Variants in STRN4 observed in about 807,000 individuals in gnomAD.
STRN4 encodes striatin 4, also known as striatin-4.
STRN4 carries 27 observed loss-of-function variants against 77.9 expected under a neutral mutation model. The ratio of observed to expected loss-of-function variants is 0.35; its 90% CI spans 0.26 to 0.48. The LOEUF (loss-of-function observed/expected upper bound fraction) is 0.48, where lower values mean the gene tolerates loss of function less well. STRN4 is among the 20% of genes least tolerant of loss of function. The pLI is 0.99. For synonymous variants in STRN4, 466 were observed against 443.1 expected (o/e 1.05, Z -0.65); for missense variants, 798 against 1,049.7 (o/e 0.76, Z 3.31).
chr19:46,727,370 C>A, intron 9 of STRN4, 82 bp downstream of exon 9: 1 of 1,197,850 alleles, frequency 8.3e-7, no homozygotes, highest in South Asian at 1.3e-5. Context: ...AGGGCACGGG[C>A]GGCACCCAGT....
rs199652079 is a variant in STRN4 at position 46,728,608 on chromosome 19, G to A, written c.1039+10C>T. On this transcript the variant is annotated intron_variant, in intron 7 of 17. Coordinates refer to ENST00000263280, the MANE Select transcript of STRN4 (RefSeq NM_013403.3). ...GGCAAGCGGGGGCTGGCCAGAAAAC[G>A]TCAGCTCACCCAGCTCATGGGGGCT... is the stretch of plus-strand genomic sequence containing the variant. The A allele has an allele frequency of 3.2e-4, 513 of 1,609,484 alleles. 2 individuals are homozygous for A. In the African/African-American group the frequency reaches 6.3e-3, roughly 20 times the overall value.
Position 46,723,199 on chromosome 19 carries a change from G to A in STRN4, c.1680C>T (p.Ala560=), listed in dbSNP as rs2054022827. 6.4e-7 allele frequency: 1 copy of A among 1,556,810 alleles called. No individual in the cohort carries two copies. Among genetic ancestry groups the A allele is most frequent in the Non-Finnish European group, 8.7e-7 (1 of 1,150,934 alleles). The change falls in exon 13 of 18, where the codon GCC becomes GCT. Residue 560 remains alanine (A), a synonymous_variant. Transcript: ENST00000263280. This position sits in a 1 kb window ranked among gnomAD's most constrained non-coding sequence, Gnocchi z 5.5. The part of the protein sequence containing the change: ...LAFSPTSQRL[A]SCSADGTVRI... ...GGACGGTGCCATCAGCAGAACAGGAGGCCAGGCGCTGGGAGGTGGGACTGA... is the reference window on the plus strand; with the variant it reads ...GGACGGTGCCATCAGCAGAACAGGAAGCCAGGCGCTGGGAGGTGGGACTGA...
chr19:46,733,389 G>A lies in STRN4; in HGVS notation c.540-153C>T, dbSNP rs771103783. The A allele has an allele frequency of 4.6e-5, 31 of 680,670 alleles. No homozygotes were observed. Among genetic ancestry groups the A allele is most frequent in the Non-Finnish European group, 5.7e-5 (23 of 400,490 alleles). 42.2% of individuals were successfully genotyped at this position (680,670 alleles called of 1,614,324 possible). On this transcript the variant is annotated intron_variant, in intron 4 of 17. Transcript: ENST00000263280. The surrounding 1 kb of genome is among the most constrained non-coding windows in gnomAD (Gnocchi z 4.3). ...CACACCCTCGCTCCAGCAGTTCCCC[G>A]TCAAGGCTATTTCCAGTGGAAGCCC...
intron 1 of STRN4, among the ~76,000 whole-genome samples, chr19:46,743,429 G>T (rs74540411): frequency 2.0e-5 from 3 of 152,216 alleles, no homozygotes; most frequent in Non-Finnish European, 4.4e-5. Flanking sequence ...CAGCCTCCAG[G>T]ATGAGAAGAT....
At position 46,741,444 on chromosome 19, in the gene STRN4, G is replaced by C. The variant is rs560756619; in HGVS notation, c.283-2556C>G. 2.6e-5 allele frequency among the ~76,000 whole-genome samples: 4 copies of C among 152,324 alleles called. No individual in the cohort carries two copies. The South Asian group carries it at 8.3e-4, about 32-fold the overall frequency. Reference sequence around the variant, plus strand: ...CCCAGTGCCTCTGGAAAGAGAACCAGAAAGACATGGTTGGAGCATCTCAGG... The same window carrying C: ...CCCAGTGCCTCTGGAAAGAGAACCACAAAGACATGGTTGGAGCATCTCAGG... On this transcript the variant is annotated intron_variant, in intron 1 of 17. Coordinates refer to ENST00000263280, the MANE Select transcript of STRN4 (RefSeq NM_013403.3). This position sits in a 1 kb window ranked among gnomAD's most constrained non-coding sequence, Gnocchi z 4.9.
chr19:46,721,595 T>G, intron 16 of STRN4: 1 of 231,618 alleles, frequency 4.3e-6, no homozygotes, highest in East Asian at 1.1e-4. Flanking sequence ...CACAGCCACG[T>G]TGCTGGCCTC....
chr19:46,740,980 A>T (rs1392986473), intron 1 of STRN4, among the ~76,000 whole-genome samples: 1 of 152,242 alleles, frequency 6.6e-6, no homozygotes, highest in African/African-American at 2.4e-5. Context: ...AACTCTAAAA[A>T]AGGCCAGGAT....
rs759815283 is a variant in STRN4, at chr19:46,738,175, A to C, written c.449T>G (p.Val150Gly). The C allele has an allele frequency of 6.2e-7, 1 of 1,614,192 alleles. No homozygotes were observed. Among genetic ancestry groups the C allele is most frequent in the Admixed American group, 1.7e-5 (1 of 60,016 alleles). Residue 150 changes from valine to glycine, a missense_variant, in exon 3 of 18, where the codon GTG (valine) becomes GGG (glycine). Val to Gly is a moderately radical substitution (Grantham distance 109). Transcript: ENST00000263280. This position sits in a 1 kb window ranked among gnomAD's most constrained non-coding sequence, Gnocchi z 4.5. Reference sequence around the variant, plus strand: ...CAGAGGGTGGGTACCTTGTTCTGACACATCTGCTTTCTTCTCCCCCTGGTT... The same window carrying C: ...CAGAGGGTGGGTACCTTGTTCTGACCCATCTGCTTTCTTCTCCCCCTGGTT... ...DLNQGEKKAD[V>G]SEQVSNGPVE... is the part of the protein sequence containing the mutation.
At position 46,725,455 on chromosome 19, in the gene STRN4, T is replaced by C; in HGVS notation, c.1424+18A>G. 1.2e-6 allele frequency: 2 copies of C among 1,613,764 alleles called. No individual in the cohort carries two copies. The highest frequency in any genetic ancestry group is 1.7e-6 in the Non-Finnish European group (2 of 1,179,864). On this transcript the variant is annotated intron_variant, in intron 10 of 17. Transcript: ENST00000263280. ...CCCCAGATGCCCCTGCCCCCGGCTC[T>C]GAGCTTGCTGCCCTCACTTCTTGGC... is the stretch of plus-strand genomic sequence containing the variant.
intron 3 of STRN4, 79 bp from the exon 4 acceptor site, chr19:46,736,980 CT>C: frequency 6.9e-7 from 1 of 1,446,690 alleles, no homozygotes; most frequent in Non-Finnish European, 9.6e-7. Context: ...TTCCTCACCC[CT>C]CCAACCCAAA....
chr19:46,746,313 C>G lies in STRN4; in HGVS notation c.118G>C (p.Gly40Arg), dbSNP rs771298555. The change falls in exon 1 of 18, where the codon GGG (glycine) becomes CGG (arginine). Residue 40 changes from glycine (G) to arginine (R), a missense_variant. Around this residue, in one of 2 missense-constraint regions of STRN4, gnomAD observed 511 missense variants for 575.9 expected, o/e 0.89. Coordinates refer to ENST00000263280, the MANE Select transcript of STRN4 (RefSeq NM_013403.3). The stretch of plus-strand genomic sequence containing the variant: ...CCTCCCTTACCTGCCGGGCCCGGCC[C>G]GGGGGCAGGGGCGGAGACCGGGGCC... ...GAAPVSAPAP[G>R]PGPAGKGGGG... The G allele has an allele frequency of 1.3e-5, 18 of 1,356,868 alleles. No individual in the cohort carries two copies. In the South Asian group the frequency reaches 2.8e-4, roughly 21 times the overall value. 84.1% of individuals were successfully genotyped at this position (1,356,868 alleles called of 1,614,324 possible). A position where few individuals can be genotyped will look rare whatever the true frequency, so the allele number is the denominator to read the frequency against.
chr19:46,733,199 C>T lies in STRN4; in HGVS notation c.577G>A (p.Asp193Asn), dbSNP rs1323534970. 3.7e-6 allele frequency: 6 copies of T among 1,610,940 alleles called. No homozygotes were observed. The highest frequency in any genetic ancestry group is 2.7e-5 in the African/African-American group (2 of 74,926). Reference sequence around the variant, plus strand: ...GAACGGACGCGCTTGGACCGCATGTCGAGGATGGTGTCTGTGTAGCCCACC... The same window carrying T: ...GAACGGACGCGCTTGGACCGCATGTTGAGGATGGTGTCTGTGTAGCCCACC... ...EEVGYTDTIL[D>N]MRSKRVRSLL... Residue 193 changes from aspartate (D) to asparagine (N), a missense_variant, in exon 5 of 18, where the codon GAC (aspartate) becomes AAC (asparagine). Coordinates refer to ENST00000263280, the MANE Select transcript of STRN4 (RefSeq NM_013403.3). This position sits in a 1 kb window ranked among gnomAD's most constrained non-coding sequence, Gnocchi z 4.3.
chr19:46,736,879 C>G lies in STRN4; in HGVS notation c.483G>C (p.Ser161=), dbSNP rs770533568. 2 of 1,612,776 alleles carry G rather than the reference C, an allele frequency of 1.2e-6. No homozygotes were observed. Among genetic ancestry groups the G allele is most frequent in the Non-Finnish European group, 1.7e-6 (2 of 1,179,402 alleles). Residue 161 remains serine, a synonymous_variant, in exon 4 of 18, where the codon TCG becomes TCC. Coordinates refer to ENST00000263280, the MANE Select transcript of STRN4 (RefSeq NM_013403.3). ...SEQVSNGPVE[S]VTLENSPLVW... ...CCAACGGGCTGTTCTCCAGGGTGAC[C>G]GATTCCACGGGGCCATTGGAGACTG...
At chr19:46,724,665 A>G (rs2054064341) in intron 12 of STRN4, 142 bp downstream of exon 12, 1 of 1,290,142 alleles carries the variant, frequency 7.8e-7, no homozygotes, top group Admixed American at 2.0e-5. Context: ...CGCGCTGCTC[A>G]CAACAGAGCA....
Position 46,738,046 on chromosome 19 carries a change from G to T in STRN4, c.460+118C>A. 9.5e-7 allele frequency: 1 copy of T among 1,053,400 alleles called. No homozygotes were observed. The highest frequency in any genetic ancestry group is 1.5e-6 in the Non-Finnish European group (1 of 678,112). 65.3% of individuals were successfully genotyped at this position (1,053,400 alleles called of 1,614,324 possible). A position where few individuals can be genotyped will look rare whatever the true frequency, so the allele number is the denominator to read the frequency against. On this transcript the variant is annotated intron_variant, in intron 3 of 17. Coordinates refer to ENST00000263280, the MANE Select transcript of STRN4 (RefSeq NM_013403.3). The surrounding 1 kb of genome is among the most constrained non-coding windows in gnomAD (Gnocchi z 4.5). Reference sequence around the variant, plus strand: ...AGATTCCGCCCCTCCCCAGCCCCGGGGCCGATTCTGCCTTCTAAGGAGCAA... The same window carrying T: ...AGATTCCGCCCCTCCCCAGCCCCGGTGCCGATTCTGCCTTCTAAGGAGCAA...
rs1259572715 is a variant in STRN4, at chr19:46,741,156, A to G, written c.283-2268T>C. ...GAGGGAGGGAGCAGGAGAGCGGCAG[A>G]GCTGGACACAGAGACCCCCATCACA... On this transcript the variant is annotated intron_variant, in intron 1 of 17. Coordinates refer to ENST00000263280, the MANE Select transcript of STRN4 (RefSeq NM_013403.3). This position sits in a 1 kb window ranked among gnomAD's most constrained non-coding sequence, Gnocchi z 4.9. Among the ~76,000 whole-genome samples the G allele has an allele frequency of 6.6e-6, 1 of 152,194 alleles. No individual in the cohort carries two copies. The highest frequency in any genetic ancestry group is 1.5e-5 in the Non-Finnish European group (1 of 68,028).
rs779022616 is a variant in STRN4 at position 46,733,975 on chromosome 19, A to C, written c.540-739T>G. ...CAACAGTCCCTTGCTACTCCTCAGG[A>C]GGCTTCCTGGCCAGGCCGCCTTTGC... On this transcript the variant is annotated intron_variant, in intron 4 of 17. Transcript: ENST00000263280. This position sits in a 1 kb window ranked among gnomAD's most constrained non-coding sequence, Gnocchi z 4.3. 1 of 152,196 alleles carries C rather than the reference A, an allele frequency of 6.6e-6. No homozygotes were observed. Among genetic ancestry groups the C allele is most frequent in the Non-Finnish European group, 1.5e-5 (1 of 68,040 alleles). 9.4% of individuals were successfully genotyped at this position (152,196 alleles called of 1,614,324 possible).
chr19:46,745,072 T>C (rs2054553174), intron 1 of STRN4, among the ~76,000 whole-genome samples: 2 of 148,312 alleles, frequency 1.3e-5, no homozygotes, highest in African/African-American at 2.5e-5. Context: ...CCTCCTCATG[T>C]TGCCTTCGGG....
At position 46,722,754 on chromosome 19, in the gene STRN4, A is replaced by G. The variant is rs138713687; in HGVS notation, c.1906+56T>C. 875 of 1,598,864 alleles carry G rather than the reference A, an allele frequency of 5.5e-4. 7 individuals carry two copies. The African/African-American group carries it at 0.01, about 19-fold the overall frequency. ...AGGGGTCGCCAAAGCCCCAGGAGGA[A>G]GTGGGGCCCAGAAGACACTGAGACC... On this transcript the variant is annotated intron_variant, in intron 14 of 17. Transcript: ENST00000263280.
Sources: gnomAD v4.1 joint callset for allele counts (sites outside exome capture counted in the v4.1 genomes callset) on GRCh38, gnomAD v4.1.1 for gene constraint, gnomAD v4.1.1 regional missense constraint, Gnocchi (gnomAD v3.1) non-coding constraint, MANE v1.5 for transcripts, NCBI Gene and HGNC (gene_info 2026-07-23, HGNC 2026-07-21) for gene names.